SPART: variants seen among roughly 807,000 people sequenced by gnomAD.
SPART encodes the protein spastic paraplegia 20 (Troyer syndrome).
In SPART, 35 loss-of-function variants were observed where a neutral mutation model predicts 58.7. The ratio of observed to expected loss-of-function variants is 0.60; its 90% CI spans 0.46 to 0.79. The LOEUF is 0.79. Among genes scored for constraint, SPART ranks in the 30% least tolerant of loss-of-function variants. The pLI is 0.00. For missense variants in SPART, 730 were observed against 786.1 expected (o/e 0.93, Z 0.85); for synonymous variants, 284 against 280.7 (o/e 1.01, Z -0.12).
At chr13:36,337,251 T>C (rs1230959717) in intron 1 of SPART, among the ~76,000 whole-genome samples, 1 of 152,226 alleles carries the variant, frequency 6.6e-6, no homozygotes, top group Non-Finnish European at 1.5e-5. Flanking sequence ...CTCTTGTCTC[T>C]CTCTGTGCCC....
chr13:36,332,017 G>T (rs1883509630), intron 2 of SPART, among the ~76,000 whole-genome samples: 1 of 152,204 alleles, frequency 6.6e-6, no homozygotes, highest in East Asian at 1.9e-4. Context: ...AGTATTTACT[G>T]ATTTAATCCT....
chr13:36,312,146 T>C lies in SPART; in HGVS notation c.1732A>G (p.Lys578Glu). 6.2e-7 allele frequency: 1 copy of C among 1,612,254 alleles called. No homozygotes were observed. Among genetic ancestry groups the C allele is most frequent in the Non-Finnish European group, 8.5e-7 (1 of 1,178,304 alleles). ...TCATTAAAATAAAATTCAACTTACT[T>C]GTATCTGACAGTTTGTACAGTTTCT... ...SAETVQTVRY[K>E]YGYNAGEATH... is the part of the protein sequence containing the mutation. The change falls in exon 8 of 9, where the codon AAA (lysine) becomes GAA (glutamate). Residue 578 changes from lysine to glutamate, a missense_variant and splice_region_variant. Transcript: ENST00000438666.
At chr13:36,318,726 A>G (rs978146856) in intron 5 of SPART, among the ~76,000 whole-genome samples, 2 of 152,196 alleles carry the variant, frequency 1.3e-5, no homozygotes, top group African/African-American at 2.4e-5. Flanking sequence ...CACGTGCCGG[A>G]AATCTGGCCA....
chr13:36,368,169 T>C, intron 1 of SPART: 1 of 457,648 alleles, frequency 2.2e-6, no homozygotes, highest in South Asian at 1.6e-5. Flanking sequence ...ATAAATTCTT[T>C]CATTTACTCA....
intron 1 of SPART, among the ~76,000 whole-genome samples, chr13:36,359,939 A>AAC (rs1477125772): frequency 1.4e-3 from 213 of 150,168 alleles, no homozygotes; most frequent in African/African-American, 4.8e-3. Flanking sequence ...AAAAAAAAAA[A>AAC]AAACACCTCT....
chr13:36,365,472 AT>A, intron 1 of SPART: 1 of 347,928 alleles, frequency 2.9e-6, no homozygotes, highest in Non-Finnish European at 5.8e-6. Context: ...AATGTTTTTC[AT>A]TTTGTTTGTT....
At chr13:36,329,648 A>G in intron 3 of SPART, 131 bp from the exon 4 acceptor site, 1 of 955,600 alleles carries the variant, frequency 1.0e-6, no homozygotes, top group Non-Finnish European at 1.6e-6. Flanking sequence ...AGTAACAACT[A>G]CTTTTGCTTT....
chr13:36,319,475 T>C (rs1882128272), intron 5 of SPART, among the ~76,000 whole-genome samples: 1 of 152,080 alleles, frequency 6.6e-6, no homozygotes, highest in East Asian at 1.9e-4. Flanking sequence ...AAGCCTGTTA[T>C]CACTCGCCTG....
upstream of SPART, among the ~76,000 whole-genome samples, chr13:36,348,330 C>A (rs940795738): frequency 4.6e-5 from 7 of 152,178 alleles, no homozygotes; most frequent in Non-Finnish European, 1.0e-4. Flanking sequence ...TATTGGTCAT[C>A]TACTCTACTT....
At chr13:36,367,620 T>G (rs1886114282) in intron 1 of SPART, among the ~76,000 whole-genome samples, 1 of 149,074 alleles carries the variant, frequency 6.7e-6, no homozygotes. Flanking sequence ...AAAAAAAAAC[T>G]TAAAATAATT....
chr13:36,327,950 C>T (rs1183741255), intron 4 of SPART, among the ~76,000 whole-genome samples: 1 of 152,130 alleles, frequency 6.6e-6, no homozygotes, highest in Non-Finnish European at 1.5e-5. Context: ...GCTGAGATCG[C>T]ACCACTGCAC....
At chr13:36,334,316 C>A (rs1273834339) in intron 2 of SPART, among the ~76,000 whole-genome samples, 1 of 152,130 alleles carries the variant, frequency 6.6e-6, no homozygotes, top group Non-Finnish European at 1.5e-5. Flanking sequence ...ACTCTTAGAC[C>A]AAGTGCATTC....
At chr13:36,331,747 C>A in intron 2 of SPART, 151 bp from the exon 3 acceptor site, 2 of 625,326 alleles carry the variant, frequency 3.2e-6, no homozygotes, top group Non-Finnish European at 5.4e-6. Context: ...TCAACATCAA[C>A]AAATCCCCAA....
intron 1 of SPART, chr13:36,368,060 C>A: frequency 7.1e-6 from 2 of 281,092 alleles, no homozygotes; most frequent in South Asian, 3.2e-5. Context: ...ATTAGTAAAC[C>A]TTTGCCCCTA....
chr13:36,311,979 C>T (rs200033231), intron 8 of SPART, among the ~76,000 whole-genome samples, 166 bp downstream of exon 8: 13 of 151,604 alleles, frequency 8.6e-5, no homozygotes, highest in Non-Finnish European at 1.9e-4. Context: ...CCCAGCTACT[C>T]GGGAGGCTGA....
intron 1 of SPART, among the ~76,000 whole-genome samples, chr13:36,356,182 T>G (rs66979188): frequency 0.014 from 2,189 of 152,312 alleles, 21 homozygotes; most frequent in Non-Finnish European, 0.023. Flanking sequence ...AATTACCCCC[T>G]AGTGGTGTTG....
rs1156512271 is a variant in SPART at position 36,303,905 on chromosome 13, T to TA, written c.*459dup. ...CACACTGAAAATTTTGAGAAGCATC[T>TA]AAAAAAATCCACAATTAGTGCAAAA... is the stretch of plus-strand genomic sequence containing the variant. On this transcript the variant is annotated 3_prime_UTR_variant, in exon 9 of 9. Transcript: ENST00000438666. The TA allele has an allele frequency of 6.3e-6, 1 of 159,386 alleles. No individual in the cohort carries two copies. Among genetic ancestry groups the TA allele is most frequent in the Admixed American group, 6.2e-5 (1 of 16,192 alleles). The allele number at this position is 159,386 out of a possible 1,614,324, so 9.9% of individuals were successfully genotyped here.
intron 1 of SPART, among the ~76,000 whole-genome samples, chr13:36,340,890 T>C (rs1348616603): frequency 6.6e-6 from 1 of 152,186 alleles, no homozygotes; most frequent in Non-Finnish European, 1.5e-5. Flanking sequence ...GTAATCATAA[T>C]GTACTAAATG....
chr13:36,323,574 T>A (rs1186600470), intron 5 of SPART, among the ~76,000 whole-genome samples: 1 of 152,212 alleles, frequency 6.6e-6, no homozygotes. Context: ...TGAGCTCAAT[T>A]TATATCCCTG....
Sources: allele counts gnomAD v4.1 joint callset (sites outside exome capture counted in the v4.1 genomes callset), GRCh38; gene constraint gnomAD v4.1.1; transcripts MANE v1.5; gene names NCBI Gene and HGNC (gene_info 2026-07-23, HGNC 2026-07-21).